The following PVT1 variants were observed in gnomAD, a reference collection of about 807,000 sequenced individuals.
PVT1 encodes CXCR4/PVT1 fusion.
intron 3 of PVT1, among the ~76,000 whole-genome samples, chr8:127,896,780 C>T (rs1041892787): frequency 2.3e-4 from 32 of 141,182 alleles, no homozygotes; most frequent in South Asian, 4.5e-4. Context: ...TTCCTCCCCC[C>T]CCCCGCCCCC....
chr8:128,057,761 A>G (rs770386073), intron 4 of PVT1, among the ~76,000 whole-genome samples: 3 of 151,792 alleles, frequency 2.0e-5, no homozygotes, highest in Non-Finnish European at 4.4e-5. Flanking sequence ...TCGGCATTAA[A>G]TCTCCCCCAC....
intron 4 of PVT1, among the ~76,000 whole-genome samples, chr8:128,006,944 C>T (rs965280177): frequency 6.6e-6 from 1 of 152,196 alleles, no homozygotes; most frequent in Non-Finnish European, 1.5e-5. Flanking sequence ...GTACACTTTG[C>T]CTGGTCCAGC....
chr8:127,867,713 A>G (rs1815300150), intron 2 of PVT1, among the ~76,000 whole-genome samples: 1 of 145,800 alleles, frequency 6.9e-6, no homozygotes, highest in Non-Finnish European at 1.5e-5. Flanking sequence ...ATGCAGAGAC[A>G]TGGTGGCGGG....
intron 2 of PVT1, among the ~76,000 whole-genome samples, chr8:127,864,434 T>C (rs1815264233): frequency 6.6e-6 from 1 of 152,202 alleles, no homozygotes. Context: ...GGATGCCTGC[T>C]CCTGGCCCTT....
chr8:128,044,323 C>T (rs929578466), intron 4 of PVT1, among the ~76,000 whole-genome samples: 2 of 152,044 alleles, frequency 1.3e-5, no homozygotes, highest in Non-Finnish European at 1.5e-5. Flanking sequence ...ACACCCCCAA[C>T]CCCTCATGAA....
intron 4 of PVT1, among the ~76,000 whole-genome samples, chr8:128,022,380 C>T (rs981757935): frequency 6.6e-6 from 1 of 152,230 alleles, no homozygotes; most frequent in Non-Finnish European, 1.5e-5. Context: ...AATAAAGCTG[C>T]TGGTTGACTG....
intron 5 of PVT1, among the ~76,000 whole-genome samples, chr8:128,074,537 G>A (rs962980598): frequency 6.9e-6 from 1 of 145,052 alleles, no homozygotes; most frequent in Non-Finnish European, 1.5e-5. Context: ...AAAAAAAAAA[G>A]GGGGGGGCTC....
At chr8:128,065,658 A>G (rs1174104685) in intron 4 of PVT1, among the ~76,000 whole-genome samples, 1 of 152,172 alleles carries the variant, frequency 6.6e-6, no homozygotes, top group East Asian at 1.9e-4. Flanking sequence ...ACCAGTCTTC[A>G]GCTTCAAGTC....
At chr8:127,801,741 G>A (rs1457376118) in intron 2 of PVT1, among the ~76,000 whole-genome samples, 1 of 152,092 alleles carries the variant, frequency 6.6e-6, no homozygotes, top group African/African-American at 2.4e-5. Flanking sequence ...GCTGTTCACT[G>A]TTGTATCCCC....
chr8:128,073,802 CTTTT>C (rs79686805), intron 5 of PVT1, among the ~76,000 whole-genome samples: 1 of 138,120 alleles, frequency 7.2e-6, no homozygotes. Context: ...ATTTTTTTTT[CTTTT>C]TTTTTTTTTT....
At chr8:127,916,898 G>A (rs898330640) in intron 3 of PVT1, among the ~76,000 whole-genome samples, 4 of 152,196 alleles carry the variant, frequency 2.6e-5, no homozygotes, top group South Asian at 2.1e-4. Flanking sequence ...CTAGGGGAGC[G>A]TGAGTATCGT....
At chr8:127,880,845 C>T (rs142700639) in intron 2 of PVT1, among the ~76,000 whole-genome samples, 1,780 of 152,020 alleles carry the variant, frequency 0.012, 40 homozygotes, top group African/African-American at 0.041. Context: ...GTGATCCACA[C>T]GCCTCAGCCT....
upstream of PVT1, chr8:127,794,529 G>T (rs908970625): frequency 6.6e-6 from 1 of 151,334 alleles, no homozygotes; most frequent in South Asian, 2.1e-4. Flanking sequence ...CCAGCCCCGC[G>T]CTCCTCCGGG....
chr8:128,001,828 A>G (rs72720840), intron 4 of PVT1, among the ~76,000 whole-genome samples: 21,407 of 152,208 alleles, frequency 0.14, 1,980 homozygotes, highest in Admixed American at 0.26. Context: ...GCGTCCTCAC[A>G]TGGAGGAAGG....
At chr8:127,966,405 A>G (rs1012650010) in intron 3 of PVT1, among the ~76,000 whole-genome samples, 4 of 152,194 alleles carry the variant, frequency 2.6e-5, no homozygotes, top group African/African-American at 4.8e-5. Context: ...ACCCCACACT[A>G]GTTCTTTTGC....
At chr8:127,996,937 G>A (rs1049599706) in intron 4 of PVT1, among the ~76,000 whole-genome samples, 2 of 151,876 alleles carry the variant, frequency 1.3e-5, no homozygotes, top group African/African-American at 4.8e-5. Context: ...AGAGTGGCCT[G>A]TTCTGAGGAC....
At chr8:127,822,386 G>A (rs1017643415) in intron 2 of PVT1, among the ~76,000 whole-genome samples, 1 of 152,194 alleles carries the variant, frequency 6.6e-6, no homozygotes, top group African/African-American at 2.4e-5. Flanking sequence ...TGACCAGCCT[G>A]GCCAGCATGG....
chr8:127,809,125 A>T (rs898769231), intron 2 of PVT1, among the ~76,000 whole-genome samples: 1 of 151,438 alleles, frequency 6.6e-6, no homozygotes, highest in African/African-American at 2.4e-5. Flanking sequence ...AGCTAGCTAG[A>T]GACCTTCCAA....
chr8:127,950,754 T>A (rs1816496607), intron 3 of PVT1, among the ~76,000 whole-genome samples: 1 of 152,128 alleles, frequency 6.6e-6, no homozygotes, highest in Non-Finnish European at 1.5e-5. Flanking sequence ...ATTCAGGTGC[T>A]CACAAGGAGC....
Sources: allele counts gnomAD v4.1 joint callset (sites outside exome capture counted in the v4.1 genomes callset), GRCh38; gene constraint gnomAD v4.1.1; transcripts MANE v1.5; gene names NCBI Gene and HGNC (gene_info 2026-07-23, HGNC 2026-07-21).